Variants in SPART observed in about 807,000 individuals in gnomAD.
The protein encoded by SPART is spartin.
SPART carries 35 observed loss-of-function variants against 58.7 expected under a neutral mutation model. The observed-to-expected ratio is 0.60, with a 90% confidence interval of 0.46 to 0.79. SPART has a LOEUF of 0.79. Among genes scored for constraint, SPART ranks in the 30% least tolerant of loss-of-function variants. The pLI, the probability that SPART is intolerant of heterozygous loss-of-function variation, is 0.00. For synonymous variants in SPART, 284 were observed against 280.7 expected, an observed-to-expected ratio of 1.01 and a Z score of -0.12; for missense variants, 730 against 786.1, an observed-to-expected ratio of 0.93 and a Z score of 0.85.
intron 5 of SPART, among the ~76,000 whole-genome samples, chr13:36,317,442 G>A (rs952160990): frequency 6.6e-6 from 1 of 150,588 alleles, no homozygotes; most frequent in Non-Finnish European, 1.5e-5. Flanking sequence ...TTATATCTCT[G>A]TGCCCCAATC....
At chr13:36,360,989 T>C (rs934577592) in intron 1 of SPART, among the ~76,000 whole-genome samples, 19 of 152,206 alleles carry the variant, frequency 1.2e-4, no homozygotes, top group African/African-American at 4.6e-4. Flanking sequence ...TCTTGGGAGC[T>C]GTCATATTTC....
At chr13:36,363,585 A>G (rs9547462) in intron 1 of SPART, among the ~76,000 whole-genome samples, 122,943 of 152,040 alleles carry the variant, frequency 0.81, 49,804 homozygotes, top group East Asian at 0.88. Context: ...ATTTTAGCTT[A>G]TGCAGTTGGT....
In SPART at chr13:36,335,581, T is replaced by C. The variant is rs1402925706; in HGVS notation, c.250A>G (p.Thr84Ala). The stretch of plus-strand genomic sequence containing the variant: ...AGCCTGGTGCGTACATTCTGTAGAG[T>C]TTCTTTCATTTTCTGTTGCATCTGT... ...ARQMQQKMKE[T>A]LQNVRTRLEI... The change falls in exon 2 of 9, where the codon ACT (threonine) becomes GCT (alanine). Residue 84 changes from threonine (T) to alanine (A), a missense_variant. Coordinates refer to ENST00000438666, the MANE Select transcript of SPART (RefSeq NM_015087.5). 1 of 1,613,420 alleles carries C rather than the reference T, an allele frequency of 6.2e-7. No individual in the cohort carries two copies. Among genetic ancestry groups the C allele is most frequent in the East Asian group, 2.2e-5 (1 of 44,876 alleles).
rs74645089 is a variant in SPART at position 36,334,324 on chromosome 13, T to G, written c.810+697A>C. On this transcript the variant is annotated intron_variant, in intron 2 of 8. Transcript: ENST00000438666. ...ACTCTTTACTCTTAGACCAAGTGCA[T>G]TCTGGTAAATTTCTCTGCTTGGACT... Among the ~76,000 whole-genome samples, 1,313 of 152,254 alleles carry G rather than the reference T, an allele frequency of 8.6e-3. 19 individuals are homozygous for G. The highest frequency in any genetic ancestry group is 0.03 in the African/African-American group (1,246 of 41,554).
At chr13:36,348,298 C>CA (rs1243221406), upstream of SPART, among the ~76,000 whole-genome samples, 4 of 151,884 alleles carry the variant, frequency 2.6e-5, no homozygotes, top group African/African-American at 9.7e-5. Context: ...TGGCCCCCAC[C>CA]AAAAAAAGAA....
chr13:36,316,922 G>A (rs574956491), intron 5 of SPART, among the ~76,000 whole-genome samples: 7 of 152,212 alleles, frequency 4.6e-5, no homozygotes, highest in African/African-American at 7.2e-5. Flanking sequence ...TCCGGTAAGC[G>A]GCCTCTTTTT....
intron 8 of SPART, among the ~76,000 whole-genome samples, chr13:36,305,787 G>T: frequency 7.1e-6 from 1 of 140,954 alleles, no homozygotes; most frequent in East Asian, 2.7e-4. Context: ...CTTGTCCACA[G>T]ATTTCCCCCA....
chr13:36,335,755 A>C lies in SPART; in HGVS notation c.76T>G (p.Phe26Val). Reference sequence around the variant, plus strand: ...TCTGTATTCAGACCTTTGTTAACAAATAAAAAGGCCTTCTTATATGCTTCT... The same window carrying C: ...TCTGTATTCAGACCTTTGTTAACAACTAAAAAGGCCTTCTTATATGCTTCT... Reference protein sequence around the residue: ...IREAYKKAFLFVNKGLNTDEL... With the variant: ...IREAYKKAFLVVNKGLNTDEL... Residue 26 changes from phenylalanine (F) to valine (V), a missense_variant, in exon 2 of 9, where the codon TTT (phenylalanine) becomes GTT (valine). Physicochemically the swap from Phe to Val is conservative, Grantham distance 50 (BLOSUM62 -1). Transcript: ENST00000438666. The C allele has an allele frequency of 6.2e-7, 1 of 1,614,100 alleles. No homozygotes were observed. The highest frequency in any genetic ancestry group is 2.2e-5 in the East Asian group (1 of 44,884).
intron 1 of SPART, among the ~76,000 whole-genome samples, chr13:36,355,275 CT>C (rs2137702464): frequency 6.6e-6 from 1 of 152,324 alleles, no homozygotes; most frequent in East Asian, 1.9e-4. Flanking sequence ...ATCCTCCCGC[CT>C]CAGCCTCCTG....
rs528825905 is a variant in SPART, at chr13:36,335,642, C to A, written c.189G>T (p.Glu63Asp). ...LLRGISISSKESEHTGPGWES... is the reference protein window; with the variant it reads ...LLRGISISSKDSEHTGPGWES... The stretch of plus-strand genomic sequence containing the variant: ...CCCACCCAGGACCTGTGTGTTCAGA[C>A]TCTTTTGATGAAATGCTGATCCCTC... Residue 63 changes from glutamate to aspartate, a missense_variant, in exon 2 of 9, where the codon GAG (glutamate) becomes GAT (aspartate). Glu to Asp is a conservative substitution (Grantham distance 45, BLOSUM62 2). Coordinates refer to ENST00000438666, the MANE Select transcript of SPART (RefSeq NM_015087.5). 1 of 1,614,110 alleles carries A rather than the reference C, an allele frequency of 6.2e-7. No individual in the cohort carries two copies. Among genetic ancestry groups the A allele is most frequent in the Admixed American group, 1.7e-5 (1 of 59,998 alleles).
At chr13:36,342,344 T>C (rs989202670) in intron 1 of SPART, among the ~76,000 whole-genome samples, 2 of 152,194 alleles carry the variant, frequency 1.3e-5, no homozygotes, top group Non-Finnish European at 2.9e-5. Context: ...AAGAATTACT[T>C]TTACATTTTT....
At chr13:36,308,133 TAAG>T (rs1482751530) in intron 8 of SPART, among the ~76,000 whole-genome samples, 2 of 152,022 alleles carry the variant, frequency 1.3e-5, no homozygotes, top group Non-Finnish European at 2.9e-5. Flanking sequence ...TGTAAACAAA[TAAG>T]AACAAAATTA....
upstream of SPART, among the ~76,000 whole-genome samples, chr13:36,348,438 C>A (rs554663205): frequency 6.6e-6 from 1 of 152,276 alleles, no homozygotes; most frequent in South Asian, 2.1e-4. Flanking sequence ...TTTCTATACA[C>A]AAAATTGTTA....
intron 5 of SPART, among the ~76,000 whole-genome samples, chr13:36,316,324 G>A (rs1176063892): frequency 1.3e-5 from 2 of 152,224 alleles, no homozygotes; most frequent in African/African-American, 2.4e-5. Context: ...TGTAATCACA[G>A]TGTCAGGCCT....
intron 8 of SPART, among the ~76,000 whole-genome samples, chr13:36,307,570 T>C (rs1286572595): frequency 6.6e-6 from 1 of 152,096 alleles, no homozygotes; most frequent in African/African-American, 2.4e-5. Context: ...AAAATAAAAA[T>C]AGATCTAACT....
rs143831651 is a variant in SPART at position 36,310,223 on chromosome 13, A to G, written c.1733+1922T>C. Among the ~76,000 whole-genome samples the G allele has an allele frequency of 4.5e-4, 68 of 152,378 alleles. 1 individual carries two copies. In the East Asian group the frequency reaches 0.013, roughly 28 times the overall value. ...GTATGAACTCAACTAAATGCTGTCA[A>G]TAAGTGGATAATTAACATAAATAAC... On this transcript the variant is annotated intron_variant, in intron 8 of 8. Coordinates refer to ENST00000438666, the MANE Select transcript of SPART (RefSeq NM_015087.5).
intron 1 of SPART, among the ~76,000 whole-genome samples, chr13:36,338,993 A>G (rs528359369): frequency 6.6e-6 from 1 of 152,242 alleles, no homozygotes; most frequent in East Asian, 1.9e-4. Flanking sequence ...AGACACACAC[A>G]CAGCCCAGGA....
chr13:36,314,569 T>C (rs1406998848), intron 5 of SPART, 148 bp from the exon 6 acceptor site: 2 of 798,390 alleles, frequency 2.5e-6, no homozygotes, highest in Non-Finnish European at 4.1e-6. Flanking sequence ...AAGCTAACTT[T>C]ATACCTGCAG....
At chr13:36,333,188 C>T (rs544474732) in intron 2 of SPART, among the ~76,000 whole-genome samples, 3 of 151,798 alleles carry the variant, frequency 2.0e-5, no homozygotes, top group African/African-American at 7.3e-5. Context: ...GCTGATTTTT[C>T]CCAGTTTCAT....
Sources: allele counts gnomAD v4.1 joint callset (sites outside exome capture counted in the v4.1 genomes callset), GRCh38; gene constraint gnomAD v4.1.1; transcripts MANE v1.5; gene names NCBI Gene and HGNC (gene_info 2026-07-23, HGNC 2026-07-21).